The following LRRC28 variants were observed in gnomAD, a reference collection of about 807,000 sequenced individuals.
LRRC28 encodes the protein leucine-rich repeat-containing protein 28.
LRRC28 carries 39 observed loss-of-function variants against 45.7 expected under a neutral mutation model. The observed-to-expected ratio is 0.85, with a 90% confidence interval of 0.66 to 1.12. LRRC28 has a LOEUF of 1.12. LRRC28 is among the 50% of genes most tolerant of loss of function. The pLI, the probability that LRRC28 is intolerant of heterozygous loss-of-function variation, is 0.00. For missense variants in LRRC28, 435 were observed against 438.5 expected (o/e 0.99, Z 0.07); for synonymous variants, 206 against 178.8 (o/e 1.15, Z -1.22).
intron 2 of LRRC28, among the ~76,000 whole-genome samples, chr15:99,266,896 T>G (rs2081346606): frequency 1.3e-5 from 2 of 152,238 alleles, no homozygotes; most frequent in African/African-American, 2.4e-5. Flanking sequence ...ATAAACTAAG[T>G]CATAAAATGT....
intron 6 of LRRC28, among the ~76,000 whole-genome samples, chr15:99,340,142 T>G (rs1956458917): frequency 6.6e-6 from 1 of 152,244 alleles, no homozygotes; most frequent in Non-Finnish European, 1.5e-5. Context: ...GATAAGGGTA[T>G]AAAGCTGGCC....
At position 99,363,247 on chromosome 15, in the gene LRRC28, T is replaced by C; in HGVS notation, c.1013T>C (p.Met338Thr). 1 of 1,613,984 alleles carries C rather than the reference T, an allele frequency of 6.2e-7. No homozygotes were observed. The highest frequency in any genetic ancestry group is 8.5e-7 in the Non-Finnish European group (1 of 1,179,886). The change falls in exon 9 of 10, where the codon ATG becomes ACG. Residue 338 changes from methionine (M) to threonine (T), a missense_variant. By Grantham distance (81) the Met-to-Thr change is moderately conservative. Transcript: ENST00000301981. ...PKLFPLRETP[M>T]AGLHQWKTTV... ...CTCTTTCCCTTGAGAGAGACGCCAA[T>C]GGCAGGGCTGCACCAGTGGTAATCA...
chr15:99,270,947 G>C (rs1296993997), intron 2 of LRRC28, among the ~76,000 whole-genome samples: 5 of 152,086 alleles, frequency 3.3e-5, no homozygotes, highest in African/African-American at 1.2e-4. Context: ...TTTTGTTAGT[G>C]TTACAGCTGT....
rs1958052910 is a variant in LRRC28, at chr15:99,387,330, GAT to G, written c.*1229_*1230del. 1.3e-5 allele frequency: 2 copies of G among 152,180 alleles called. No individual in the cohort carries two copies. The highest frequency in any genetic ancestry group is 4.1e-4 in the South Asian group (2 of 4,828). 9.4% of individuals were successfully genotyped at this position (152,180 alleles called of 1,614,324 possible). A position where few individuals can be genotyped will look rare whatever the true frequency, so the allele number is the denominator to read the frequency against. ...ACGCCTCGGCCTCCCAAAGTGCTGG[GAT>G]TACAGGCGTGAGCCACCGCGCCCGG... On this transcript the variant is annotated 3_prime_UTR_variant, in exon 10 of 10. Transcript: ENST00000301981.
chr15:99,284,648 C>T (rs1254844926), intron 3 of LRRC28: 4 of 517,082 alleles, frequency 7.7e-6, no homozygotes, highest in Non-Finnish European at 1.5e-5. Context: ...GCCATAGCTG[C>T]TGCTGCTACT....
chr15:99,319,994 A>G (rs961026751), intron 5 of LRRC28, among the ~76,000 whole-genome samples: 2 of 151,926 alleles, frequency 1.3e-5, no homozygotes, highest in African/African-American at 4.8e-5. Context: ...TTTAGTAGAG[A>G]TGGGGTTTCA....
chr15:99,370,100 C>A (rs1957442567), intron 9 of LRRC28, among the ~76,000 whole-genome samples: 1 of 152,116 alleles, frequency 6.6e-6, no homozygotes, highest in African/African-American at 2.4e-5. Context: ...TTTTACAGGG[C>A]AAACAGGTAC....
At chr15:99,368,273 A>C (rs1461356493) in intron 9 of LRRC28, among the ~76,000 whole-genome samples, 2 of 152,152 alleles carry the variant, frequency 1.3e-5, no homozygotes, top group Non-Finnish European at 1.5e-5. Flanking sequence ...CCAGCTATGA[A>C]CCTATGAAAC....
At chr15:99,377,118 A>G (rs965395490) in intron 9 of LRRC28, among the ~76,000 whole-genome samples, 1 of 152,040 alleles carries the variant, frequency 6.6e-6, no homozygotes. Flanking sequence ...AGGAATTGCC[A>G]CACTGACTTC....
intron 9 of LRRC28, among the ~76,000 whole-genome samples, chr15:99,364,910 G>C (rs1310983075): frequency 6.6e-6 from 1 of 152,014 alleles, no homozygotes; most frequent in Non-Finnish European, 1.5e-5. Context: ...ATATTAGCAA[G>C]ATATCATCAC....
intron 5 of LRRC28, among the ~76,000 whole-genome samples, chr15:99,299,360 A>G (rs1380486437): frequency 6.6e-6 from 1 of 152,182 alleles, no homozygotes; most frequent in Non-Finnish European, 1.5e-5. Flanking sequence ...AAATTATTTT[A>G]TGTAAATTGT....
intron 7 of LRRC28, among the ~76,000 whole-genome samples, chr15:99,353,243 A>T (rs1022571773): frequency 1.2e-4 from 19 of 152,122 alleles, no homozygotes; most frequent in Admixed American, 6.5e-5. Context: ...CCCCGGGGGC[A>T]ACCTAATCAG....
At position 99,318,799 on chromosome 15, in the gene LRRC28, G is replaced by C. The variant is rs528682413; in HGVS notation, c.386-15124G>C. Among the ~76,000 whole-genome samples, 3 of 152,096 alleles carry C rather than the reference G, an allele frequency of 2.0e-5. No homozygotes were observed. The South Asian group carries it at 6.2e-4, about 32-fold the overall frequency. On this transcript the variant is annotated intron_variant, in intron 5 of 9. Transcript: ENST00000301981. ...TTTAGTATGGAAGTATTTTAATTGA[G>C]AGATTTTTTTTAAACTAGATAATTT...
At chr15:99,329,421 C>T (rs1305489188) in intron 5 of LRRC28, among the ~76,000 whole-genome samples, 2 of 152,206 alleles carry the variant, frequency 1.3e-5, no homozygotes, top group African/African-American at 2.4e-5. Flanking sequence ...TGGTGTACAA[C>T]TTCTGCCCCT....
At chr15:99,363,947 G>T (rs1004425017) in intron 9 of LRRC28, among the ~76,000 whole-genome samples, 1 of 152,004 alleles carries the variant, frequency 6.6e-6, no homozygotes, top group East Asian at 1.9e-4. Context: ...AATTTTTTAA[G>T]TAAAAAAAAG....
intron 5 of LRRC28, among the ~76,000 whole-genome samples, chr15:99,299,052 G>A (rs1271354571): frequency 6.6e-6 from 1 of 152,128 alleles, no homozygotes; most frequent in Non-Finnish European, 1.5e-5. Flanking sequence ...TTTTAGATGT[G>A]GCATGGAGTA....
At chr15:99,337,207 G>T (rs188551993) in intron 6 of LRRC28, among the ~76,000 whole-genome samples, 1 of 152,216 alleles carries the variant, frequency 6.6e-6, no homozygotes, top group Non-Finnish European at 1.5e-5. Context: ...AGTGACAAAA[G>T]CTGAGTATGT....
chr15:99,256,055 A>T lies in LRRC28; in HGVS notation c.98A>T (p.Glu33Val). The T allele has an allele frequency of 6.2e-7, 1 of 1,613,918 alleles. No homozygotes were observed. Among genetic ancestry groups the T allele is most frequent in the Non-Finnish European group, 8.5e-7 (1 of 1,179,924 alleles). The change falls in exon 2 of 10, where the codon GAG becomes GTG. Residue 33 changes from glutamate (E) to valine (V), a missense_variant. Physicochemically the swap from Glu to Val is moderately radical, Grantham distance 121. Transcript: ENST00000301981. ...AGGAATCTGCACCATTTTCCATTGG[A>T]GTTACTGAAAGATGAGGGACTGCAG... Reference protein sequence around the residue: ...NYRNLHHFPLELLKDEGLQYL... With the variant: ...NYRNLHHFPLVLLKDEGLQYL...
At chr15:99,359,408 G>T (rs1176065520) in intron 7 of LRRC28, among the ~76,000 whole-genome samples, 1 of 152,204 alleles carries the variant, frequency 6.6e-6, no homozygotes, top group Non-Finnish European at 1.5e-5. Context: ...GTTTACAGAA[G>T]AAGAAATGTA....
Sources: gnomAD v4.1 joint callset for allele counts (sites outside exome capture counted in the v4.1 genomes callset) on GRCh38, gnomAD v4.1.1 for gene constraint, MANE v1.5 for transcripts, NCBI Gene and HGNC (gene_info 2026-07-23, HGNC 2026-07-21) for gene names.